Variants in XPO7 observed in about 807,000 individuals in gnomAD.
The protein encoded by XPO7 is exportin-7.
A neutral mutation model predicts 144.3 loss-of-function variants in XPO7; 21 were observed. The observed-to-expected ratio is 0.15, with a 90% CI of 0.10 to 0.21. The LOEUF is 0.21. XPO7 is among the 10% of genes least tolerant of loss of function. XPO7 has a pLI of 1.00. For missense variants in XPO7, 808 were observed against 1,325.8 expected, an observed-to-expected ratio of 0.61 and a Z score of 6.06; for synonymous variants, 580 against 499.6, an observed-to-expected ratio of 1.16 and a Z score of -2.15.
At chr8:21,989,969 C>T (rs1168472871) in intron 16 of XPO7, among the ~76,000 whole-genome samples, 1 of 150,248 alleles carries the variant, frequency 6.7e-6, no homozygotes, top group Non-Finnish European at 1.5e-5. Context: ...CCTGCCTCAG[C>T]CTTCTGAGTA....
intron 25 of XPO7, 138 bp downstream of exon 25, chr8:22,002,410 G>A: frequency 8.9e-7 from 1 of 1,129,490 alleles, no homozygotes; most frequent in South Asian, 1.6e-5. Flanking sequence ...GTGTCTTAAA[G>A]TTGCAGTGGA....
At chr8:21,965,856 C>T (rs1811865782) in intron 1 of XPO7, among the ~76,000 whole-genome samples, 4 of 152,086 alleles carry the variant, frequency 2.6e-5, no homozygotes, top group Admixed American at 2.6e-4. Context: ...TATTTTTGTT[C>T]TTGTCAGAAT....
chr8:21,939,447 C>T (rs1413600946), intron 1 of XPO7, among the ~76,000 whole-genome samples: 1 of 152,064 alleles, frequency 6.6e-6, no homozygotes, highest in African/African-American at 2.4e-5. Flanking sequence ...TCTCAAACTC[C>T]CAACCTCAGG....
intron 1 of XPO7, among the ~76,000 whole-genome samples, chr8:21,951,012 C>G (rs926131468): frequency 2.6e-5 from 4 of 151,918 alleles, no homozygotes; most frequent in African/African-American, 9.7e-5. Context: ...CCTGTAATCA[C>G]AGCTACCCAA....
At chr8:21,967,147 A>G in intron 2 of XPO7, 144 bp downstream of exon 2, 2 of 1,148,120 alleles carry the variant, frequency 1.7e-6, no homozygotes, top group Non-Finnish European at 2.3e-6. Flanking sequence ...AAGAAGTACC[A>G]TACCTACCAG....
In XPO7 at chr8:21,982,534, C is replaced by CT. The variant is rs71544848; in HGVS notation, c.1105-99dup. 7,220 of 1,310,012 alleles carry CT rather than the reference C, an allele frequency of 5.5e-3. 29 individuals carry two copies. Among genetic ancestry groups the CT allele is most frequent in the Non-Finnish European group, 6.1e-3 (6,019 of 991,612 alleles). The allele number at this position is 1,310,012 out of a possible 1,614,324, so 81.1% of individuals were successfully genotyped here. The stretch of plus-strand genomic sequence containing the variant: ...AACAAAGCCCACAAAAGTCTATCCT[C>CT]TTTTTTTAAAAAAAAGAAAAAAGTC... On this transcript the variant is annotated intron_variant, in intron 10 of 27. Transcript: ENST00000252512.
intron 13 of XPO7, among the ~76,000 whole-genome samples, chr8:21,986,486 G>A (rs569789390): frequency 2.0e-5 from 3 of 152,188 alleles, no homozygotes; most frequent in African/African-American, 7.2e-5. Flanking sequence ...ATCCTCATTT[G>A]TCTCTTTCCA....
chr8:21,956,194 C>G (rs952834018), intron 1 of XPO7, among the ~76,000 whole-genome samples: 3 of 152,172 alleles, frequency 2.0e-5, no homozygotes, highest in Non-Finnish European at 4.4e-5. Context: ...GTATAGCCTT[C>G]TATGCTGGAG....
chr8:21,961,309 G>C (rs1434885923), intron 1 of XPO7, among the ~76,000 whole-genome samples: 1 of 150,788 alleles, frequency 6.6e-6, no homozygotes, highest in Admixed American at 6.6e-5. Flanking sequence ...TTCCAGACTT[G>C]GACAATCCTC....
intron 19 of XPO7, 59 bp from the exon 20 acceptor site, chr8:21,994,304 C>A: frequency 7.7e-7 from 1 of 1,302,724 alleles, no homozygotes; most frequent in Non-Finnish European, 1.1e-6. Context: ...GAATCCTCAT[C>A]AGATTGTTAC....
Position 21,982,748 on chromosome 8 carries a change from T to A in XPO7, c.1213T>A (p.Tyr405Asn). ...KATEPHMLET[Y>N]TPEVTKAYIT... is the part of the protein sequence containing the mutation. The stretch of plus-strand genomic sequence containing the variant: ...CACAGAGCCCCACATGCTGGAAACT[T>A]ACACTCCTGAGGTCACCAAAGCCTA... The change falls in exon 11 of 28, where the codon TAC (tyrosine) becomes AAC (asparagine). Residue 405 changes from tyrosine (Y) to asparagine (N), a missense_variant. Tyr to Asn is a moderately radical substitution (Grantham distance 143). Coordinates refer to ENST00000252512, the MANE Select transcript of XPO7 (RefSeq NM_015024.5). 1 of 1,613,954 alleles carries A rather than the reference T, an allele frequency of 6.2e-7. No individual in the cohort carries two copies. The highest frequency in any genetic ancestry group is 8.5e-7 in the Non-Finnish European group (1 of 1,179,882).
intron 24 of XPO7, among the ~76,000 whole-genome samples, chr8:22,000,850 AGTG>A (rs1813117427): frequency 1.3e-5 from 2 of 152,310 alleles, no homozygotes; most frequent in African/African-American, 4.8e-5. Flanking sequence ...ACTGCCAAAT[AGTG>A]ATGATATGTT....
At chr8:21,988,623 G>C (rs946837566) in intron 15 of XPO7, 1 of 186,522 alleles carries the variant, frequency 5.4e-6, no homozygotes, top group Admixed American at 5.5e-5. Flanking sequence ...CAGAAGCAAG[G>C]GCTACTAGAA....
intron 19 of XPO7, among the ~76,000 whole-genome samples, chr8:21,993,912 CGT>C (rs1554519900): frequency 7.1e-6 from 1 of 141,264 alleles, no homozygotes; most frequent in Non-Finnish European, 1.5e-5. Flanking sequence ...GTTTCTTTGC[CGT>C]GTCTCTCTCT....
chr8:21,924,069 C>G (rs1379137266), intron 1 of XPO7, among the ~76,000 whole-genome samples: 1 of 152,166 alleles, frequency 6.6e-6, no homozygotes, highest in Non-Finnish European at 1.5e-5. Context: ...TGCAGTCAAT[C>G]TCAGGGCTTG....
In XPO7 at chr8:21,974,782, T is replaced by C; in HGVS notation, c.597+8T>C. 2 of 1,549,484 alleles carry C rather than the reference T, an allele frequency of 1.3e-6. No homozygotes were observed. Among genetic ancestry groups the C allele is most frequent in the Non-Finnish European group, 1.7e-6 (2 of 1,143,852 alleles). ...TGCAATTTACTAAAACAGGTGAGCA[T>C]GTAGTTTGGGTCATATTTCCCAGTT... On this transcript the variant is annotated splice_region_variant and intron_variant, in intron 6 of 27. Coordinates refer to ENST00000252512, the MANE Select transcript of XPO7 (RefSeq NM_015024.5).
intron 1 of XPO7, among the ~76,000 whole-genome samples, chr8:21,947,112 G>A (rs1048961174): frequency 1.5e-4 from 23 of 152,190 alleles, no homozygotes; most frequent in African/African-American, 5.3e-4. Flanking sequence ...AAAGAAATTG[G>A]TAAGCATAGG....
At chr8:22,003,092 A>G (rs1300207797) in intron 25 of XPO7, 127 bp from the exon 26 acceptor site, 4 of 528,796 alleles carry the variant, frequency 7.6e-6, no homozygotes, top group Non-Finnish European at 1.3e-5. Context: ...TTCACAAACT[A>G]TTTGTCTGAT....
intron 1 of XPO7, among the ~76,000 whole-genome samples, chr8:21,938,742 A>G (rs1328979368): frequency 3.3e-5 from 5 of 152,144 alleles, no homozygotes; most frequent in Non-Finnish European, 7.4e-5. Flanking sequence ...CCCTTATATT[A>G]ACTTTTTAAC....
Sources: gnomAD v4.1 joint callset for allele counts (sites outside exome capture counted in the v4.1 genomes callset) on GRCh38, gnomAD v4.1.1 for gene constraint, MANE v1.5 for transcripts, NCBI Gene and HGNC (gene_info 2026-07-23, HGNC 2026-07-21) for gene names.